Variants in ZNF385D observed in about 807,000 individuals in gnomAD.
ZNF385D encodes the protein zinc finger protein 659.
A neutral mutation model predicts 35.8 loss-of-function variants in ZNF385D; 15 were observed. The observed-to-expected ratio is 0.42, with a 90% CI of 0.28 to 0.64. ZNF385D has a LOEUF of 0.64. Ranked by LOEUF, ZNF385D falls within the 30% of genes least tolerant of loss-of-function variation. The probability of loss-of-function intolerance (pLI) is 0.23; values close to 1 mark genes in which losing one functional copy is unlikely to be tolerated. For synonymous variants in ZNF385D, 212 were observed against 186.8 expected, an observed-to-expected ratio of 1.13 and a Z score of -1.10; for missense variants, 474 against 494.6, an observed-to-expected ratio of 0.96 and a Z score of 0.39.
At chr3:21,859,407 G>GAA (rs35618611) in intron 3 of ZNF385D, among the ~76,000 whole-genome samples, 5 of 136,366 alleles carry the variant, frequency 3.7e-5, no homozygotes, top group Non-Finnish European at 4.8e-5. Context: ...GAAAGTAACA[G>GAA]AAAAAAAAAA....
intron 1 of ZNF385D, among the ~76,000 whole-genome samples, chr3:21,727,353 C>G (rs981359339): frequency 6.6e-6 from 1 of 152,086 alleles, no homozygotes; most frequent in African/African-American, 2.4e-5. Context: ...ACCTTCTGCA[C>G]AGCAAAAGAA....
intron 3 of ZNF385D, among the ~76,000 whole-genome samples, chr3:21,889,017 T>C (rs1207686911): frequency 2.0e-5 from 3 of 152,114 alleles, no homozygotes. Context: ...CTTCAGAGAG[T>C]AGACTGTGTG....
intron 4 of ZNF385D, among the ~76,000 whole-genome samples, chr3:21,498,467 T>C (rs983029108): frequency 1.3e-5 from 2 of 152,158 alleles, no homozygotes; most frequent in African/African-American, 4.8e-5. Context: ...ATCAATTCGA[T>C]GAAGTTCTGC....
chr3:22,280,277 T>G (rs1701668083), intron 2 of ZNF385D, among the ~76,000 whole-genome samples: 1 of 152,068 alleles, frequency 6.6e-6, no homozygotes, highest in Non-Finnish European at 1.5e-5. Context: ...TTTTCATTTA[T>G]TTAAATCCCA....
In ZNF385D at chr3:21,413,413, A is replaced by G. The variant is rs532915172; in HGVS notation, c.*7801T>C. The G allele has an allele frequency of 6.6e-6, 1 of 152,216 alleles. No homozygotes were observed. Among genetic ancestry groups the G allele is most frequent in the Non-Finnish European group, 1.5e-5 (1 of 67,970 alleles). 9.4% of individuals were successfully genotyped at this position (152,216 alleles called of 1,614,324 possible). ...CACTGTGGCTGACCAATGATTCGGA[A>G]TCTCACATTGGTGTGACTAGTGATT... On this transcript the variant is annotated 3_prime_UTR_variant, in exon 8 of 8. Transcript: ENST00000281523.
intron 2 of ZNF385D, among the ~76,000 whole-genome samples, chr3:22,251,380 A>G (rs1700056570): frequency 6.6e-6 from 1 of 152,160 alleles, no homozygotes; most frequent in African/African-American, 2.4e-5. Context: ...CAAAAAACAA[A>G]CAAACAAATA....
intron 1 of ZNF385D, among the ~76,000 whole-genome samples, chr3:21,695,974 T>C (rs1039896954): frequency 6.6e-6 from 1 of 152,156 alleles, no homozygotes; most frequent in Non-Finnish European, 1.5e-5. Context: ...CTCCCATATA[T>C]GAATTCTCAT....
intron 2 of ZNF385D, among the ~76,000 whole-genome samples, chr3:22,231,791 G>A (rs1357491116): frequency 6.6e-6 from 1 of 152,080 alleles, no homozygotes; most frequent in Non-Finnish European, 1.5e-5. Context: ...TGTTGAAGGT[G>A]GGCCCTGGTG....
intron 3 of ZNF385D, among the ~76,000 whole-genome samples, chr3:21,528,645 A>C (rs1287007737): frequency 1.3e-5 from 2 of 152,072 alleles, no homozygotes; most frequent in Non-Finnish European, 2.9e-5. Context: ...TGGATCAAAA[A>C]CTCTTATTTT....
intron 1 of ZNF385D, among the ~76,000 whole-genome samples, chr3:21,748,912 T>C (rs1171567650): frequency 6.6e-6 from 1 of 152,192 alleles, no homozygotes; most frequent in African/African-American, 2.4e-5. Context: ...TTGCCCTCGC[T>C]CTTGTACCAC....
At chr3:21,809,891 T>C (rs576282662) in intron 3 of ZNF385D, among the ~76,000 whole-genome samples, 2 of 152,140 alleles carry the variant, frequency 1.3e-5, no homozygotes, top group East Asian at 1.9e-4. Context: ...GAAATTAAAT[T>C]TGTGATAAAA....
At chr3:22,085,263 A>T (rs903739332) in intron 3 of ZNF385D, among the ~76,000 whole-genome samples, 6 of 152,062 alleles carry the variant, frequency 3.9e-5, no homozygotes, top group Non-Finnish European at 8.8e-5. Flanking sequence ...ATCATAAAAA[A>T]CCCTTCAAAA....
At chr3:21,841,922 A>C (rs532008534) in intron 3 of ZNF385D, among the ~76,000 whole-genome samples, 1 of 151,678 alleles carries the variant, frequency 6.6e-6, no homozygotes, top group Non-Finnish European at 1.5e-5. Flanking sequence ...ATATGTATAT[A>C]TACACATATA....
At chr3:21,625,928 T>A (rs966567817) in intron 2 of ZNF385D, among the ~76,000 whole-genome samples, 3 of 152,106 alleles carry the variant, frequency 2.0e-5, no homozygotes, top group Non-Finnish European at 4.4e-5. Flanking sequence ...TCAGGTTTCT[T>A]AAAGCTAACA....
At chr3:21,574,843 T>C (rs2063446638) in intron 2 of ZNF385D, among the ~76,000 whole-genome samples, 1 of 152,106 alleles carries the variant, frequency 6.6e-6, no homozygotes, top group Non-Finnish European at 1.5e-5. Flanking sequence ...CATAAATTGA[T>C]TGTGGATGCA....
chr3:21,770,758 T>C (rs2071039752), intron 3 of ZNF385D, among the ~76,000 whole-genome samples: 2 of 152,174 alleles, frequency 1.3e-5, no homozygotes, highest in South Asian at 4.1e-4. Flanking sequence ...CAAATGATTA[T>C]AAATCATGCT....
At position 22,076,914 on chromosome 3, in the gene ZNF385D, C is replaced by G. The variant is rs140042484; in HGVS notation, c.325+91903G>C. ...AAAAACAGATGAATAGAACAATGAA[C>G]ATGTGAAAAAAACACTCATCTACCT... On this transcript the variant is annotated intron_variant, in intron 3 of 5. Transcript: ENST00000494108. Among the ~76,000 whole-genome samples, 229 of 151,722 alleles carry G rather than the reference C, an allele frequency of 1.5e-3. 3 individuals are homozygous for G. The highest frequency in any genetic ancestry group is 5.1e-3 in the African/African-American group (210 of 41,432).
At chr3:21,795,017 T>C (rs1294516245) in intron 3 of ZNF385D, among the ~76,000 whole-genome samples, 1 of 152,234 alleles carries the variant, frequency 6.6e-6, no homozygotes, top group East Asian at 1.9e-4. Context: ...ATAGTCAGTG[T>C]CCGCTGTAGG....
chr3:21,477,773 G>A (rs550035705), intron 4 of ZNF385D, among the ~76,000 whole-genome samples: 68 of 152,194 alleles, frequency 4.5e-4, no homozygotes, highest in Middle Eastern at 3.4e-3. Flanking sequence ...AAAAATCTGT[G>A]CCAAAGCAAA....
Sources: gnomAD v4.1 joint callset for allele counts (sites outside exome capture counted in the v4.1 genomes callset) on GRCh38, gnomAD v4.1.1 for gene constraint, MANE v1.5 for transcripts, NCBI Gene and HGNC (gene_info 2026-07-23, HGNC 2026-07-21) for gene names.